The following LHFPL6 variants were observed in gnomAD, a reference collection of about 807,000 sequenced individuals.
LHFPL6 encodes the protein LHFPL tetraspan subfamily member 6.
In LHFPL6, 9 loss-of-function variants were observed where a neutral mutation model predicts 20.6. The observed-to-expected ratio is 0.44, with a 90% CI of 0.26 to 0.76. The LOEUF is 0.76. Ranked by LOEUF, LHFPL6 falls within the 30% of genes least tolerant of loss-of-function variation. The pLI is 0.20. For synonymous variants in LHFPL6, 105 were observed against 98.7 expected (o/e 1.06, Z -0.38); for missense variants, 218 against 253.5 (o/e 0.86, Z 0.95).
At chr13:39,526,776 G>A (rs1018778202) in intron 2 of LHFPL6, among the ~76,000 whole-genome samples, 3 of 152,154 alleles carry the variant, frequency 2.0e-5, no homozygotes, top group Non-Finnish European at 2.9e-5. Context: ...CTGACATCAC[G>A]TGCAACCTCA....
chr13:39,524,162 T>C (rs988213061), intron 2 of LHFPL6, among the ~76,000 whole-genome samples: 1 of 152,188 alleles, frequency 6.6e-6, no homozygotes, highest in African/African-American at 2.4e-5. Flanking sequence ...GGAATGCCAC[T>C]GCGCTCAAGA....
chr13:39,378,445 G>T lies in LHFPL6; in HGVS notation c.467C>A (p.Ser156Tyr). Residue 156 changes from serine to tyrosine, a missense_variant, in exon 3 of 4, where the codon TCT becomes TAT. Transcript: ENST00000379589. ...EEVRQTCGYT[S>Y]GQFDLGKCEI... ...AAGCTTACCCAGGTCAAACTGGCCAGAAGTGTAGCCACAAGTCTGCCGGAC... is the reference window on the plus strand; with the variant it reads ...AAGCTTACCCAGGTCAAACTGGCCATAAGTGTAGCCACAAGTCTGCCGGAC... The T allele has an allele frequency of 6.2e-7, 1 of 1,613,846 alleles. No individual in the cohort carries two copies.
intron 2 of LHFPL6, among the ~76,000 whole-genome samples, chr13:39,513,825 C>T (rs1048848344): frequency 6.6e-6 from 1 of 152,200 alleles, no homozygotes; most frequent in African/African-American, 2.4e-5. Context: ...CATTAGTTCA[C>T]ATAATGTCTT....
At chr13:39,542,646 G>C (rs572954925) in intron 2 of LHFPL6, among the ~76,000 whole-genome samples, 1 of 152,108 alleles carries the variant, frequency 6.6e-6, no homozygotes, top group Non-Finnish European at 1.5e-5. Flanking sequence ...TTGCCATTGT[G>C]GGAATCCACC....
At chr13:39,407,129 C>G (rs1871130192) in intron 2 of LHFPL6, among the ~76,000 whole-genome samples, 1 of 152,166 alleles carries the variant, frequency 6.6e-6, no homozygotes, top group African/African-American at 2.4e-5. Flanking sequence ...TCCTTCATTG[C>G]TTCAGTTGTA....
chr13:39,375,154 A>C (rs1193679223), intron 3 of LHFPL6, among the ~76,000 whole-genome samples: 1 of 152,226 alleles, frequency 6.6e-6, no homozygotes, highest in Admixed American at 6.5e-5. Context: ...AAGAGGCAGA[A>C]ACAAACTTGG....
Position 39,370,662 on chromosome 13 carries a change from C to T in LHFPL6, c.484+7766G>A, listed in dbSNP as rs73451062. The stretch of plus-strand genomic sequence containing the variant: ...CTCTGCAAACACTTGCTGCTTGAGT[C>T]AGGAGAACCCTGCTCTGGCACACAA... On this transcript the variant is annotated intron_variant, in intron 3 of 3. Transcript: ENST00000379589. Among the ~76,000 whole-genome samples, 298 of 152,302 alleles carry T rather than the reference C, an allele frequency of 2.0e-3. 2 individuals carry two copies. Among genetic ancestry groups the T allele is most frequent in the African/African-American group, 6.9e-3 (286 of 41,570 alleles).
At chr13:39,442,195 T>A (rs1463671495) in intron 2 of LHFPL6, among the ~76,000 whole-genome samples, 3 of 151,948 alleles carry the variant, frequency 2.0e-5, no homozygotes, top group African/African-American at 7.3e-5. Flanking sequence ...AAGAACTGAG[T>A]TTAAAAAAAA....
intron 2 of LHFPL6, among the ~76,000 whole-genome samples, chr13:39,562,579 T>G (rs1407138167): frequency 7.6e-6 from 1 of 131,450 alleles, no homozygotes; most frequent in Non-Finnish European, 1.6e-5. Context: ...CATACATATA[T>G]ACACATATAT....
chr13:39,507,929 TCCC>T (rs1869545607), intron 2 of LHFPL6, among the ~76,000 whole-genome samples: 2 of 138,118 alleles, frequency 1.4e-5, no homozygotes, highest in Non-Finnish European at 3.1e-5. Context: ...CCTCCCTCCC[TCCC>T]ATTTCTTTCT....
intron 2 of LHFPL6, among the ~76,000 whole-genome samples, chr13:39,549,896 C>T (rs1187140347): frequency 6.6e-6 from 1 of 151,864 alleles, no homozygotes; most frequent in Non-Finnish European, 1.5e-5. Context: ...AATGCATCAT[C>T]CTGAGTAAAA....
intron 2 of LHFPL6, among the ~76,000 whole-genome samples, chr13:39,382,189 C>A (rs1166623493): frequency 3.3e-5 from 5 of 152,126 alleles, no homozygotes; most frequent in African/African-American, 9.7e-5. Flanking sequence ...GGAATGTCTC[C>A]TATACCAAGT....
At chr13:39,442,662 T>C (rs1872170754) in intron 2 of LHFPL6, among the ~76,000 whole-genome samples, 1 of 152,246 alleles carries the variant, frequency 6.6e-6, no homozygotes, top group African/African-American at 2.4e-5. Flanking sequence ...ATTGTATTAA[T>C]GAAAATCTCA....
At chr13:39,579,485 T>C (rs1872214690) in intron 2 of LHFPL6, among the ~76,000 whole-genome samples, 2 of 152,214 alleles carry the variant, frequency 1.3e-5, no homozygotes, top group African/African-American at 4.8e-5. Context: ...TGAAATTTCT[T>C]GTCATTCTAT....
At chr13:39,431,275 C>T (rs763991048) in intron 2 of LHFPL6, among the ~76,000 whole-genome samples, 12 of 152,194 alleles carry the variant, frequency 7.9e-5, no homozygotes, top group Non-Finnish European at 1.5e-4. Flanking sequence ...TTCCTGAAGT[C>T]AGCAAGACTA....
intron 2 of LHFPL6, among the ~76,000 whole-genome samples, chr13:39,518,460 T>C (rs561021101): frequency 1.3e-5 from 2 of 152,350 alleles, no homozygotes; most frequent in East Asian, 3.9e-4. Flanking sequence ...ATATGTAGAA[T>C]GTGCTAGAGA....
Position 39,439,869 on chromosome 13 carries a change from C to T in LHFPL6, c.386-61343G>A, listed in dbSNP as rs533836180. 3.5e-4 allele frequency among the ~76,000 whole-genome samples: 54 copies of T among 152,278 alleles called. 1 individual carries two copies. In the South Asian group the frequency reaches 0.011, roughly 30 times the overall value. On this transcript the variant is annotated intron_variant, in intron 2 of 3. Transcript: ENST00000379589. ...TGCAGAAGCAGAAGCTGCTATGCTT[C>T]CTGTACAGCCTGTAGAACTGTGAGT...
chr13:39,360,763 A>G lies in LHFPL6; in HGVS notation c.485-16709T>C, dbSNP rs1167326326. ...CCTCAGATTGTAAGGGGACAAAAAA[A>G]AAAAAAAACCTTTCTGAATTACAAA... On this transcript the variant is annotated intron_variant, in intron 3 of 3. Transcript: ENST00000379589. Among the ~76,000 whole-genome samples, 5 of 94,920 alleles carry G rather than the reference A, an allele frequency of 5.3e-5. 2 individuals are homozygous for G. The East Asian group carries it at 1.5e-3, about 29-fold the overall frequency. 62.3% of individuals were successfully genotyped at this position (94,920 alleles called of 152,430 possible). A position where few individuals can be genotyped will look rare whatever the true frequency, so the allele number is the denominator to read the frequency against.
intron 2 of LHFPL6, among the ~76,000 whole-genome samples, chr13:39,387,973 A>G (rs1442116157): frequency 6.6e-6 from 1 of 152,014 alleles, no homozygotes; most frequent in Admixed American, 6.6e-5. Context: ...GTGAGTGAGA[A>G]CCCCAGTTGT....
Sources: allele counts gnomAD v4.1 joint callset (sites outside exome capture counted in the v4.1 genomes callset), GRCh38; gene constraint gnomAD v4.1.1; transcripts MANE v1.5; gene names NCBI Gene and HGNC (gene_info 2026-07-23, HGNC 2026-07-21).